SAMD3: variants seen among roughly 807,000 people sequenced by gnomAD.
SAMD3 encodes the protein sterile alpha motif domain containing 3.
A neutral mutation model predicts 58.5 loss-of-function variants in SAMD3; 63 were observed. That is an observed-to-expected ratio of 1.08 (90% CI 0.88 to 1.33). SAMD3 has a LOEUF of 1.33. SAMD3 is among the 40% of genes most tolerant of loss of function. SAMD3 has a pLI of 0.00. For missense variants in SAMD3, 604 were observed against 608.4 expected, an observed-to-expected ratio of 0.99 and a Z score of 0.08; for synonymous variants, 220 against 210.3, an observed-to-expected ratio of 1.05 and a Z score of -0.40.
chr6:130,296,704 G>A (rs1775581980), intron 2 of SAMD3, among the ~76,000 whole-genome samples: 1 of 152,086 alleles, frequency 6.6e-6, no homozygotes, highest in South Asian at 2.1e-4. Flanking sequence ...AGCAATGGAG[G>A]AGAGATTGGC....
upstream of SAMD3, among the ~76,000 whole-genome samples, chr6:130,224,483 C>T (rs1796329895): frequency 6.6e-6 from 1 of 151,972 alleles, no homozygotes; most frequent in Non-Finnish European, 1.5e-5. Flanking sequence ...AGGCATAGGA[C>T]CCTGTGTTTC....
At chr6:130,156,216 T>A (rs1789763707) in intron 8 of SAMD3, among the ~76,000 whole-genome samples, 1 of 151,782 alleles carries the variant, frequency 6.6e-6, no homozygotes, top group Non-Finnish European at 1.5e-5. Context: ...CATGCACCTG[T>A]AATCCCAGCT....
intron 2 of SAMD3, among the ~76,000 whole-genome samples, chr6:130,260,933 C>A (rs1030690928): frequency 6.6e-6 from 1 of 152,176 alleles, no homozygotes; most frequent in African/African-American, 2.4e-5. Context: ...GGTCTGATGA[C>A]CCACGGTGTA....
intron 2 of SAMD3, among the ~76,000 whole-genome samples, chr6:130,303,249 A>C (rs1210818945): frequency 6.6e-6 from 1 of 152,068 alleles, no homozygotes; most frequent in Non-Finnish European, 1.5e-5. Flanking sequence ...CACAAATCAC[A>C]ATCTTTTCTG....
chr6:130,347,760 C>T (rs979590228), intron 1 of SAMD3, among the ~76,000 whole-genome samples: 7 of 152,034 alleles, frequency 4.6e-5, no homozygotes, highest in Non-Finnish European at 8.8e-5. Context: ...ATAGCAACTC[C>T]AAGACACATA....
At chr6:130,236,213 G>A (rs1235762904) in intron 2 of SAMD3, among the ~76,000 whole-genome samples, 1 of 152,012 alleles carries the variant, frequency 6.6e-6, no homozygotes, top group Non-Finnish European at 1.5e-5. Flanking sequence ...GTAGTTTTGT[G>A]GAAGTTTTGA....
At chr6:130,328,183 G>A (rs4141939) in intron 1 of SAMD3, among the ~76,000 whole-genome samples, 74,049 of 151,996 alleles carry the variant, frequency 0.49, 22,146 homozygotes, top group African/African-American at 0.85. Flanking sequence ...CCTTTCCACA[G>A]TTGCTCCTGG....
intron 1 of SAMD3, among the ~76,000 whole-genome samples, chr6:130,337,753 CAA>C (rs1325068688): frequency 6.6e-6 from 1 of 152,162 alleles, no homozygotes; most frequent in Non-Finnish European, 1.5e-5. Context: ...TGTGCTTTAA[CAA>C]AGAGACTGGT....
chr6:130,228,686 A>C (rs761977466), intron 2 of SAMD3, among the ~76,000 whole-genome samples: 18 of 152,220 alleles, frequency 1.2e-4, no homozygotes, highest in Non-Finnish European at 2.6e-4. Flanking sequence ...GTTTTCACGC[A>C]TGTTCCTCCT....
chr6:130,267,851 A>G (rs139715754), intron 2 of SAMD3, among the ~76,000 whole-genome samples: 11 of 152,316 alleles, frequency 7.2e-5, no homozygotes, highest in Middle Eastern at 3.4e-3. Flanking sequence ...GGAGCCCCAT[A>G]GAGTTGTGAA....
intron 5 of SAMD3, among the ~76,000 whole-genome samples, chr6:130,200,422 A>C (rs376832793): frequency 5.0e-4 from 76 of 151,398 alleles, no homozygotes; most frequent in African/African-American, 1.7e-3. Flanking sequence ...GGTTGCATGC[A>C]ACTGTAGTCC....
intron 9 of SAMD3, among the ~76,000 whole-genome samples, chr6:130,151,526 C>T (rs1789187252): frequency 6.6e-6 from 1 of 152,298 alleles, no homozygotes; most frequent in South Asian, 2.1e-4. Context: ...ACCGCACCCT[C>T]CGTCTCCCAG....
At chr6:130,274,999 C>A (rs906547348) in intron 2 of SAMD3, among the ~76,000 whole-genome samples, 4 of 152,116 alleles carry the variant, frequency 2.6e-5, no homozygotes, top group Admixed American at 6.5e-5. Flanking sequence ...GCAGTACTGG[C>A]ATCAACTGGG....
exon 1 of SAMD3, chr6:130,365,382 G>A (rs1438241744): frequency 3.0e-6 from 3 of 985,554 alleles, no homozygotes; most frequent in East Asian, 2.3e-4. Flanking sequence ...CCCTTGCCGG[G>A]CCGGCGGGAA....
intron 5 of SAMD3, 87 bp downstream of exon 5, chr6:130,209,408 A>G (rs1018601915): frequency 3.3e-6 from 2 of 612,064 alleles, no homozygotes; most frequent in African/African-American, 3.8e-5. Context: ...CAAATTAGAA[A>G]TACATCTAAA....
intron 2 of SAMD3, among the ~76,000 whole-genome samples, chr6:130,264,455 T>C (rs771501463): frequency 1.3e-5 from 2 of 152,238 alleles, no homozygotes; most frequent in African/African-American, 2.4e-5. Flanking sequence ...GGTATTGTGG[T>C]GGACCTTTAC....
chr6:130,158,918 A>C (rs772222577), intron 8 of SAMD3, among the ~76,000 whole-genome samples: 13 of 152,024 alleles, frequency 8.6e-5, no homozygotes, highest in South Asian at 2.1e-4. Flanking sequence ...ACAAAATTAC[A>C]CTCTATGCAA....
chr6:130,185,734 A>C (rs942771636), intron 5 of SAMD3, among the ~76,000 whole-genome samples: 2 of 146,794 alleles, frequency 1.4e-5, no homozygotes, highest in Non-Finnish European at 3.0e-5. Context: ...GGTCTCAAGC[A>C]ATCTTCCCAC....
At chr6:130,291,280 T>C (rs1775352740) in intron 2 of SAMD3, among the ~76,000 whole-genome samples, 1 of 152,166 alleles carries the variant, frequency 6.6e-6, no homozygotes, top group Admixed American at 6.5e-5. Context: ...TGTTTTTGTA[T>C]TTTTAGTAGA....
Sources: gnomAD v4.1 joint callset for allele counts (sites outside exome capture counted in the v4.1 genomes callset) on GRCh38, gnomAD v4.1.1 for gene constraint, MANE v1.5 for transcripts, NCBI Gene and HGNC (gene_info 2026-07-23, HGNC 2026-07-21) for gene names.